Variants in SHTN1 observed in about 807,000 individuals in gnomAD.
SHTN1 encodes the protein shootin-1.
In SHTN1, 42 loss-of-function variants were observed where a neutral mutation model predicts 83.1. The ratio of observed to expected loss-of-function variants is 0.51; its 90% CI spans 0.39 to 0.65. The LOEUF (loss-of-function observed/expected upper bound fraction) is 0.65, where lower values mean the gene tolerates loss of function less well. SHTN1 is among the 30% of genes least tolerant of loss of function. SHTN1 has a pLI of 0.00. For synonymous variants in SHTN1, 224 were observed against 247.7 expected, an observed-to-expected ratio of 0.90 and a Z score of 0.90; for missense variants, 622 against 737.8, an observed-to-expected ratio of 0.84 and a Z score of 1.82.
intron 1 of SHTN1, among the ~76,000 whole-genome samples, chr10:117,066,578 T>C (rs1276063355): frequency 6.6e-6 from 1 of 152,208 alleles, no homozygotes; most frequent in African/African-American, 2.4e-5. Context: ...GAATAGTTAC[T>C]ACAAAAGCCC....
intron 11 of SHTN1, among the ~76,000 whole-genome samples, chr10:116,925,421 C>T (rs969881237): frequency 6.6e-6 from 1 of 152,154 alleles, no homozygotes; most frequent in African/African-American, 2.4e-5. Flanking sequence ...GCCTGTCAAA[C>T]TTTGGAATAA....
At chr10:116,956,562 A>G (rs1398194799) in intron 4 of SHTN1, among the ~76,000 whole-genome samples, 1 of 152,212 alleles carries the variant, frequency 6.6e-6, no homozygotes, top group Non-Finnish European at 1.5e-5. Context: ...TTTGGAAATC[A>G]TTTATCAGCT....
intron 9 of SHTN1, among the ~76,000 whole-genome samples, chr10:116,931,667 T>C (rs1359271650): frequency 6.6e-6 from 1 of 152,158 alleles, no homozygotes; most frequent in African/African-American, 2.4e-5. Flanking sequence ...TTAAATCACA[T>C]AGCTTACTAT....
intron 1 of SHTN1, among the ~76,000 whole-genome samples, chr10:117,049,704 C>T (rs900746393): frequency 2.0e-5 from 3 of 152,094 alleles, no homozygotes; most frequent in Non-Finnish European, 4.4e-5. Context: ...TTCTAGAAAC[C>T]ATGATTTAAG....
At chr10:116,937,070 G>C (rs1849196109) in intron 9 of SHTN1, among the ~76,000 whole-genome samples, 3 of 151,922 alleles carry the variant, frequency 2.0e-5, no homozygotes, top group Admixed American at 2.0e-4. Context: ...CACGTGAGAT[G>C]GGTCTCCTGA....
At chr10:117,028,855 C>T (rs949313303) in intron 2 of SHTN1, among the ~76,000 whole-genome samples, 3 of 152,188 alleles carry the variant, frequency 2.0e-5, no homozygotes, top group Non-Finnish European at 4.4e-5. Context: ...AGAACCTCTA[C>T]TAAGGCAATG....
Position 116,952,341 on chromosome 10 carries a change from G to C in SHTN1, c.437-335C>G, listed in dbSNP as rs371247966. Among the ~76,000 whole-genome samples the C allele has an allele frequency of 2.2e-4, 33 of 152,206 alleles. No individual in the cohort carries two copies. The East Asian group carries it at 6.0e-3, about 28-fold the overall frequency. ...TTAAGTTTTCAGCAAAACAAATTAA[G>C]GTGTAGTACTAATTTCTTTTTTATT... On this transcript the variant is annotated intron_variant, in intron 5 of 16. Coordinates refer to ENST00000355371, the MANE Select transcript of SHTN1 (RefSeq NM_001127211.3).
chr10:117,095,427 A>AG (rs957089880), intron 1 of SHTN1, among the ~76,000 whole-genome samples: 1 of 152,216 alleles, frequency 6.6e-6, no homozygotes, highest in Non-Finnish European at 1.5e-5. Flanking sequence ...ACTAAAACCC[A>AG]GGGGGGAAAC....
chr10:116,938,839 G>C (rs1229530187), intron 9 of SHTN1, among the ~76,000 whole-genome samples: 3 of 152,234 alleles, frequency 2.0e-5, no homozygotes, highest in Non-Finnish European at 2.9e-5. Context: ...TGGGGCTGCT[G>C]CCTCTCTTTC....
chr10:117,054,629 G>A (rs1183198307), intron 1 of SHTN1, among the ~76,000 whole-genome samples: 2 of 151,750 alleles, frequency 1.3e-5, no homozygotes, highest in Middle Eastern at 3.2e-3. Flanking sequence ...GGATGGTCTC[G>A]ATCTCTTGAC....
At chr10:117,034,565 T>C (rs1273363845) in intron 2 of SHTN1, among the ~76,000 whole-genome samples, 1 of 151,890 alleles carries the variant, frequency 6.6e-6, no homozygotes, top group Non-Finnish European at 1.5e-5. Context: ...CGCTTGAACC[T>C]GGGAGGTGGA....
chr10:117,123,673 G>T lies in SHTN1; in HGVS notation c.-189+2634C>A, dbSNP rs1386267378. On this transcript the variant is annotated intron_variant, in intron 1 of 17. Transcript: ENST00000392901. ...TAATCCCAACACCTTGGGAGGCCAA[G>T]GTGGGTGGATTGCTTGAGGCCAGGA... Among the ~76,000 whole-genome samples, 4 of 151,728 alleles carry T rather than the reference G, an allele frequency of 2.6e-5. No homozygotes were observed. In the South Asian group the frequency reaches 8.3e-4, roughly 32 times the overall value.
At chr10:117,095,638 A>G (rs1853493043) in intron 1 of SHTN1, among the ~76,000 whole-genome samples, 1 of 152,234 alleles carries the variant, frequency 6.6e-6, no homozygotes. Context: ...TCCATAAAAC[A>G]AAAATATATA....
chr10:117,126,068 C>A (rs1251164081), intron 1 of SHTN1, among the ~76,000 whole-genome samples: 1 of 152,186 alleles, frequency 6.6e-6, no homozygotes, highest in Non-Finnish European at 1.5e-5. Flanking sequence ...GGGTCAAGGG[C>A]GTGGGTCTGG....
chr10:117,005,353 G>C, upstream of SHTN1: 1 of 1,272,716 alleles, frequency 7.9e-7, no homozygotes, highest in Non-Finnish European at 1.0e-6. Flanking sequence ...GTCGGCAGCC[G>C]CTATGCCAGC....
rs1427620367 is a variant in SHTN1, at chr10:117,065,854, A to G, written c.-188-17344T>C. Among the ~76,000 whole-genome samples the G allele has an allele frequency of 4.6e-3, 208 of 45,254 alleles. 6 individuals are homozygous for G. The highest frequency in any genetic ancestry group is 0.015 in the African/African-American group (170 of 11,168). 29.7% of individuals were successfully genotyped at this position (45,254 alleles called of 152,430 possible). On this transcript the variant is annotated intron_variant, in intron 1 of 17. Transcript: ENST00000392901. The stretch of plus-strand genomic sequence containing the variant: ...GAAGGAAGGAAGGAAGGAAGGAAGG[A>G]AAGGAGGGAGGGAGGGAGGGAGGGA...
chr10:117,075,281 TG>T (rs546053654), intron 1 of SHTN1, among the ~76,000 whole-genome samples: 117 of 152,264 alleles, frequency 7.7e-4, no homozygotes, highest in Middle Eastern at 3.4e-3. Flanking sequence ...GAGTCACAGT[TG>T]TTCATTCCTG....
intron 12 of SHTN1, among the ~76,000 whole-genome samples, chr10:116,920,900 A>G (rs1848539276): frequency 6.6e-6 from 1 of 152,104 alleles, no homozygotes; most frequent in African/African-American, 2.4e-5. Flanking sequence ...AGGCACAACT[A>G]CTCAGCTTGA....
intron 1 of SHTN1, among the ~76,000 whole-genome samples, chr10:117,081,000 T>C (rs1345014475): frequency 6.6e-6 from 1 of 151,970 alleles, no homozygotes; most frequent in Non-Finnish European, 1.5e-5. Context: ...TTTGACTTCC[T>C]CTTTTCCTAA....
Sources: allele counts gnomAD v4.1 joint callset (sites outside exome capture counted in the v4.1 genomes callset), GRCh38; gene constraint gnomAD v4.1.1; transcripts MANE v1.5; gene names NCBI Gene and HGNC (gene_info 2026-07-23, HGNC 2026-07-21).